FNBP1: variants seen among roughly 807,000 people sequenced by gnomAD.
FNBP1 encodes the protein formin binding protein 1.
A neutral mutation model predicts 90.6 loss-of-function variants in FNBP1; 26 were observed. The observed-to-expected ratio is 0.29, with a 90% CI of 0.21 to 0.40. The LOEUF is 0.40. Ranked by LOEUF, FNBP1 falls within the 10% of genes least tolerant of loss-of-function variation. FNBP1 has a pLI of 1.00. For synonymous variants in FNBP1, 260 were observed against 265.2 expected, an observed-to-expected ratio of 0.98 and a Z score of 0.19; for missense variants, 635 against 768.0, an observed-to-expected ratio of 0.83 and a Z score of 2.05.
rs71385491 is a variant in FNBP1, at chr9:129,948,356, C to CTTTTTTTTTTTTTTTTTTTTT, written c.513+8983_513+9003dup. On this transcript the variant is annotated intron_variant, in intron 6 of 16. Coordinates refer to ENST00000446176, the MANE Select transcript of FNBP1 (RefSeq NM_015033.3). ...TCATACAAAACACCTATTTTGGTGT[C>CTTTTTTTTTTTTTTTTTTTTT]TTTTTTTTTTTTTTTTTTTTTTTTT... Among the ~76,000 whole-genome samples the CTTTTTTTTTTTTTTTTTTTTT allele has an allele frequency of 2.8e-4, 18 of 64,480 alleles. 1 individual carries two copies. Among genetic ancestry groups the CTTTTTTTTTTTTTTTTTTTTT allele is most frequent in the African/African-American group, 5.6e-4 (8 of 14,224 alleles). 42.3% of individuals were successfully genotyped at this position (64,480 alleles called of 152,430 possible).
At chr9:129,954,317 G>T (rs1336244477) in intron 6 of FNBP1, among the ~76,000 whole-genome samples, 2 of 151,890 alleles carry the variant, frequency 1.3e-5, no homozygotes, top group Non-Finnish European at 2.9e-5. Flanking sequence ...AACATTTAAG[G>T]GATAGTGAGT....
intron 6 of FNBP1, among the ~76,000 whole-genome samples, chr9:129,930,220 T>C (rs752762289): frequency 6.6e-6 from 1 of 151,892 alleles, no homozygotes; most frequent in Non-Finnish European, 1.5e-5. Flanking sequence ...ACCACCATGC[T>C]TGGCTAATTT....
At chr9:129,944,317 A>G (rs113970360) in intron 6 of FNBP1, among the ~76,000 whole-genome samples, 7,076 of 152,054 alleles carry the variant, frequency 0.047, 156 homozygotes, top group South Asian at 0.07. Context: ...CTGAGGCAGG[A>G]GGATCACGAG....
chr9:129,970,673 A>G (rs1351502483), intron 4 of FNBP1, among the ~76,000 whole-genome samples: 4 of 152,186 alleles, frequency 2.6e-5, no homozygotes. Context: ...CATTATGTCT[A>G]AAGAGATGGC....
intron 1 of FNBP1, among the ~76,000 whole-genome samples, chr9:130,027,944 G>C (rs1459208888): frequency 2.0e-5 from 3 of 151,858 alleles, no homozygotes; most frequent in African/African-American, 7.3e-5. Context: ...AAAAAAATAG[G>C]GTCTCATTGT....
At chr9:129,910,827 A>G (rs1205025749) in intron 11 of FNBP1, among the ~76,000 whole-genome samples, 1 of 141,206 alleles carries the variant, frequency 7.1e-6, no homozygotes, top group Non-Finnish European at 1.5e-5. Context: ...CACCCATCAG[A>G]CACACTGACT....
intron 4 of FNBP1, among the ~76,000 whole-genome samples, chr9:129,971,386 ATTTTTGT>A (rs999956701): frequency 6.6e-6 from 1 of 151,508 alleles, no homozygotes; most frequent in African/African-American, 2.4e-5. Context: ...TTACAGTTAG[ATTTTTGT>A]TTTTTGTTTT....
At chr9:129,982,988 C>A (rs1416962659) in intron 2 of FNBP1, among the ~76,000 whole-genome samples, 1 of 152,182 alleles carries the variant, frequency 6.6e-6, no homozygotes, top group Non-Finnish European at 1.5e-5. Flanking sequence ...AAATATTAAT[C>A]ATTTCTTCTG....
intron 1 of FNBP1, among the ~76,000 whole-genome samples, chr9:129,999,589 ACT>A (rs1448290505): frequency 2.0e-5 from 3 of 149,986 alleles, no homozygotes; most frequent in Non-Finnish European, 3.0e-5. Context: ...ACAGAGTGAG[ACT>A]CTGTCTCAAA....
the FNBP1 span, among the ~76,000 whole-genome samples, chr9:130,052,030 A>C: frequency 1.3e-5 from 2 of 152,186 alleles, no homozygotes; most frequent in African/African-American, 4.8e-5. Flanking sequence ...TTATGCAAAT[A>C]ATCTTTTCTT....
At chr9:129,940,850 C>T (rs921029828) in intron 6 of FNBP1, among the ~76,000 whole-genome samples, 1 of 151,912 alleles carries the variant, frequency 6.6e-6, no homozygotes, top group African/African-American at 2.4e-5. Context: ...TGGTCTCAAT[C>T]TCTTGACCTC....
chr9:129,983,770 C>A (rs1430243026), intron 2 of FNBP1, among the ~76,000 whole-genome samples: 1 of 152,114 alleles, frequency 6.6e-6, no homozygotes, highest in Non-Finnish European at 1.5e-5. Context: ...GAGATCATGC[C>A]ACTGCACTCC....
chr9:129,949,258 G>A (rs2045809548), intron 6 of FNBP1, among the ~76,000 whole-genome samples: 1 of 152,232 alleles, frequency 6.6e-6, no homozygotes, highest in Middle Eastern at 3.4e-3. Context: ...GAGACTGCAT[G>A]GTTCCTTGAG....
chr9:130,014,968 A>T (rs1238406643), intron 1 of FNBP1, among the ~76,000 whole-genome samples: 1 of 151,416 alleles, frequency 6.6e-6, no homozygotes, highest in East Asian at 1.9e-4. Flanking sequence ...TGGGGGAAAA[A>T]CTTCTTAAAA....
chr9:129,915,769 A>G (rs1384308584), intron 11 of FNBP1, among the ~76,000 whole-genome samples, 197 bp downstream of exon 11: 1 of 152,236 alleles, frequency 6.6e-6, no homozygotes, highest in Non-Finnish European at 1.5e-5. Flanking sequence ...GCAACTTGAA[A>G]AGATTAAGAT....
At chr9:129,942,349 G>C (rs890794356) in intron 6 of FNBP1, among the ~76,000 whole-genome samples, 8 of 152,196 alleles carry the variant, frequency 5.3e-5, no homozygotes, top group Non-Finnish European at 8.8e-5. Context: ...TGTGTAAATG[G>C]ATGGTGAATA....
At chr9:129,983,932 G>A (rs2051713815) in intron 2 of FNBP1, among the ~76,000 whole-genome samples, 1 of 152,106 alleles carries the variant, frequency 6.6e-6, no homozygotes, top group Non-Finnish European at 1.5e-5. Context: ...GTGTTTTCAG[G>A]TAGAAAATCT....
chr9:129,911,402 A>G (rs1369512112), intron 11 of FNBP1, among the ~76,000 whole-genome samples: 3 of 152,090 alleles, frequency 2.0e-5, no homozygotes, highest in South Asian at 4.1e-4. Flanking sequence ...TCACTACCTG[A>G]TCTATTAGGA....
chr9:129,934,816 C>T (rs991409207), intron 6 of FNBP1, among the ~76,000 whole-genome samples: 1 of 152,048 alleles, frequency 6.6e-6, no homozygotes, highest in African/African-American at 2.4e-5. Flanking sequence ...AAGTGATCTG[C>T]CTGCCTCGGC....
Sources: allele counts gnomAD v4.1 joint callset (sites outside exome capture counted in the v4.1 genomes callset), GRCh38; gene constraint gnomAD v4.1.1; transcripts MANE v1.5; gene names NCBI Gene and HGNC (gene_info 2026-07-23, HGNC 2026-07-21).